The following UBTD2 variants were observed in gnomAD, a reference collection of about 807,000 sequenced individuals.
UBTD2 encodes the protein ubiquitin domain containing 2.
Under a neutral mutation model 19.8 loss-of-function variants are expected in UBTD2, and 9 were observed. The observed-to-expected ratio is 0.46, with a 90% CI of 0.27 to 0.79. The LOEUF (loss-of-function observed/expected upper bound fraction) is 0.79, where lower values mean the gene tolerates loss of function less well. UBTD2 is among the 30% of genes least tolerant of loss of function. The pLI, the probability that UBTD2 is intolerant of heterozygous loss-of-function variation, is 0.14. For synonymous variants in UBTD2, 98 were observed against 103.9 expected (o/e 0.94, Z 0.35); for missense variants, 250 against 300.4 (o/e 0.83, Z 1.24).
chr5:172,233,372 T>C (rs1485174356), intron 2 of UBTD2, among the ~76,000 whole-genome samples: 3 of 152,110 alleles, frequency 2.0e-5, no homozygotes, highest in South Asian at 2.1e-4. Context: ...AGAATATTAA[T>C]ACAGAAATAA....
At chr5:172,215,462 G>A (rs1452050743) in intron 2 of UBTD2, among the ~76,000 whole-genome samples, 1 of 152,132 alleles carries the variant, frequency 6.6e-6, no homozygotes, top group Non-Finnish European at 1.5e-5. Context: ...ATGATCCAGA[G>A]GCAGAGGCTC....
At chr5:172,274,797 T>G (rs1202067868) in intron 1 of UBTD2, among the ~76,000 whole-genome samples, 1 of 151,506 alleles carries the variant, frequency 6.6e-6, no homozygotes, top group African/African-American at 2.4e-5. Context: ...TCCCAGCACT[T>G]TGGGTGGCCG....
intron 1 of UBTD2, among the ~76,000 whole-genome samples, chr5:172,274,807 G>A (rs763529189): frequency 1.8e-4 from 28 of 152,056 alleles, no homozygotes; most frequent in Non-Finnish European, 3.8e-4. Flanking sequence ...TTGGGTGGCC[G>A]AGGTGGGCGG....
rs1171490060 is a variant in UBTD2 at position 172,210,644 on chromosome 5, G to A, written c.*1186C>T. The A allele has an allele frequency of 2.0e-5, 3 of 152,154 alleles. No homozygotes were observed. Among genetic ancestry groups the A allele is most frequent in the African/African-American group, 7.2e-5 (3 of 41,430 alleles). The allele number at this position is 152,154 out of a possible 1,614,324, so 9.4% of individuals were successfully genotyped here. ...AAAATTGTCATCTACCATGACTAGA[G>A]GTAACAGTGAACTGGAAAGCACTAA... is the stretch of plus-strand genomic sequence containing the variant. On this transcript the variant is annotated 3_prime_UTR_variant, in exon 3 of 3. Coordinates refer to ENST00000393792, the MANE Select transcript of UBTD2 (RefSeq NM_152277.3).
chr5:172,269,873 C>T (rs13182246), intron 1 of UBTD2, among the ~76,000 whole-genome samples: 1 of 150,802 alleles, frequency 6.6e-6, no homozygotes, highest in Admixed American at 6.6e-5. Flanking sequence ...GTCAGGAGTT[C>T]GAGACCGGCC....
At chr5:172,273,824 A>G (rs935586521) in intron 1 of UBTD2, among the ~76,000 whole-genome samples, 3 of 152,134 alleles carry the variant, frequency 2.0e-5, no homozygotes, top group Non-Finnish European at 4.4e-5. Context: ...CTTGACCTAT[A>G]TATTAGGTTC....
chr5:172,254,905 A>G (rs1298821974), intron 1 of UBTD2: 5 of 502,170 alleles, frequency 1.0e-5, no homozygotes, highest in Middle Eastern at 6.2e-4. Flanking sequence ...CCTCCATGGA[A>G]GACCTCTTCC....
chr5:172,241,061 T>A (rs57864795), intron 1 of UBTD2, among the ~76,000 whole-genome samples: 8,927 of 152,184 alleles, frequency 0.059, 835 homozygotes, highest in African/African-American at 0.2. Context: ...ACTTTTTTTT[T>A]TTTTTATTGT....
chr5:172,271,144 T>G (rs1755481094), intron 1 of UBTD2, among the ~76,000 whole-genome samples: 1 of 152,106 alleles, frequency 6.6e-6, no homozygotes, highest in Admixed American at 6.6e-5. Flanking sequence ...AAGACCAACT[T>G]CTTGGGCTGG....
chr5:172,226,343 C>T (rs1771765671), intron 2 of UBTD2, among the ~76,000 whole-genome samples: 1 of 152,128 alleles, frequency 6.6e-6, no homozygotes, highest in Non-Finnish European at 1.5e-5. Context: ...GCTTTGGAGT[C>T]AGTCATACCC....
chr5:172,239,841 T>C (rs1772091484), intron 1 of UBTD2, among the ~76,000 whole-genome samples: 2 of 151,432 alleles, frequency 1.3e-5, no homozygotes, highest in South Asian at 2.1e-4. Flanking sequence ...GAGGCAGAGA[T>C]TGCAGTGAGC....
Position 172,231,195 on chromosome 5 carries a change from G to C in UBTD2, c.307+2927C>G, listed in dbSNP as rs533260485. On this transcript the variant is annotated intron_variant, in intron 2 of 2. Coordinates refer to ENST00000393792, the MANE Select transcript of UBTD2 (RefSeq NM_152277.3). Reference sequence around the variant, plus strand: ...AATAGCCTAGTTATAAACTGATGGTGAGTTAGAGTACATGACAAAACAAAA... The same window carrying C: ...AATAGCCTAGTTATAAACTGATGGTCAGTTAGAGTACATGACAAAACAAAA... Among the ~76,000 whole-genome samples the C allele has an allele frequency of 5.3e-5, 8 of 152,288 alleles. No homozygotes were observed. The South Asian group carries it at 1.7e-3, about 32-fold the overall frequency.
chr5:172,243,553 CCT>C (rs1491162886), intron 1 of UBTD2, among the ~76,000 whole-genome samples: 1 of 89,256 alleles, frequency 1.1e-5, no homozygotes, highest in Non-Finnish European at 2.1e-5. Context: ...TTGTGAGAAA[CCT>C]TTTTTTTTTT....
At chr5:172,244,885 C>A (rs28628785) in intron 1 of UBTD2, among the ~76,000 whole-genome samples, 1 of 152,130 alleles carries the variant, frequency 6.6e-6, no homozygotes, top group Non-Finnish European at 1.5e-5. Context: ...CCTGCCACCA[C>A]GCCCGGCTAA....
At chr5:172,272,259 A>G (rs1755505383) in intron 1 of UBTD2, among the ~76,000 whole-genome samples, 1 of 152,238 alleles carries the variant, frequency 6.6e-6, no homozygotes, top group African/African-American at 2.4e-5. Flanking sequence ...AGCTGATGCA[A>G]GACAAATACA....
intron 1 of UBTD2, among the ~76,000 whole-genome samples, chr5:172,257,700 G>A (rs371190165): frequency 2.0e-5 from 3 of 152,212 alleles, no homozygotes; most frequent in East Asian, 1.9e-4. Flanking sequence ...TTCTGGTTCT[G>A]ATTTATATTT....
At chr5:172,259,690 G>C (rs1201318551) in intron 1 of UBTD2, among the ~76,000 whole-genome samples, 1 of 152,042 alleles carries the variant, frequency 6.6e-6, no homozygotes, top group East Asian at 1.9e-4. Flanking sequence ...GATCTTTTAA[G>C]TGTTCCAATC....
intron 1 of UBTD2, among the ~76,000 whole-genome samples, chr5:172,275,321 C>T (rs1047663697): frequency 2.0e-5 from 3 of 152,124 alleles, no homozygotes; most frequent in Non-Finnish European, 2.9e-5. Context: ...TCCCATGACA[C>T]GTGGAGATTA....
chr5:172,221,340 C>T (rs1003256398), intron 2 of UBTD2, among the ~76,000 whole-genome samples: 1 of 151,936 alleles, frequency 6.6e-6, no homozygotes, highest in Non-Finnish European at 1.5e-5. Context: ...CCCATCTCTA[C>T]CAAAGAAATA....
Sources: allele counts gnomAD v4.1 joint callset (sites outside exome capture counted in the v4.1 genomes callset), GRCh38; gene constraint gnomAD v4.1.1; transcripts MANE v1.5; gene names NCBI Gene and HGNC (gene_info 2026-07-23, HGNC 2026-07-21).